Variants in GRM1 observed in about 807,000 individuals in gnomAD.
GRM1 encodes the protein metabotropic glutamate receptor 1.
In GRM1, 33 loss-of-function variants were observed where a neutral mutation model predicts 90.9. The ratio of observed to expected loss-of-function variants is 0.36; its 90% CI spans 0.28 to 0.49. GRM1 has a LOEUF of 0.49. Among genes scored for constraint, GRM1 ranks in the 20% least tolerant of loss-of-function variants. GRM1 has a pLI of 0.99. For synonymous variants in GRM1, 700 were observed against 613.2 expected (o/e 1.14, Z -2.09); for missense variants, 1,190 against 1,534.3 (o/e 0.78, Z 3.75).
chr6:146,255,450 C>A (rs1412985832), intron 2 of GRM1, among the ~76,000 whole-genome samples: 1 of 152,078 alleles, frequency 6.6e-6, no homozygotes, highest in Non-Finnish European at 1.5e-5. Context: ...CTGTGGCAAT[C>A]TCTCTCTTCA....
intron 2 of GRM1, among the ~76,000 whole-genome samples, chr6:146,279,912 T>C (rs935283093): frequency 6.6e-6 from 1 of 152,178 alleles, no homozygotes; most frequent in African/African-American, 2.4e-5. Context: ...GTAATTTATC[T>C]GGCTGCCTTT....
At chr6:146,185,529 T>C (rs1457490690) in intron 2 of GRM1, among the ~76,000 whole-genome samples, 1 of 152,198 alleles carries the variant, frequency 6.6e-6, no homozygotes, top group Non-Finnish European at 1.5e-5. Flanking sequence ...TATTGGAAAA[T>C]ATGCCTTCTT....
intron 7 of GRM1, among the ~76,000 whole-genome samples, chr6:146,431,717 G>A (rs1778414863): frequency 6.6e-6 from 1 of 152,050 alleles, no homozygotes; most frequent in African/African-American, 2.4e-5. Flanking sequence ...GTGGGAAGAT[G>A]GGGAAGGAAA....
At chr6:146,096,280 A>T (rs1776871263) in intron 1 of GRM1, among the ~76,000 whole-genome samples, 1 of 152,128 alleles carries the variant, frequency 6.6e-6, no homozygotes, top group South Asian at 2.1e-4. Context: ...ATTCTTCTTA[A>T]ACTGTTATTT....
At chr6:146,200,329 CATT>C (rs1411631465) in intron 2 of GRM1, among the ~76,000 whole-genome samples, 2 of 152,170 alleles carry the variant, frequency 1.3e-5, no homozygotes, top group Non-Finnish European at 2.9e-5. Context: ...TTCAGTTTCT[CATT>C]ATCCTTCTGC....
intron 2 of GRM1, among the ~76,000 whole-genome samples, chr6:146,181,559 C>T (rs1778555210): frequency 6.6e-6 from 1 of 152,180 alleles, no homozygotes; most frequent in African/African-American, 2.4e-5. Flanking sequence ...AGCACTTGAT[C>T]TATAATTGTC....
At chr6:146,079,228 G>A (rs1240577492) in intron 1 of GRM1, among the ~76,000 whole-genome samples, 1 of 152,156 alleles carries the variant, frequency 6.6e-6, no homozygotes, top group Non-Finnish European at 1.5e-5. Flanking sequence ...TGCAATGCCC[G>A]TGGGCTGGAC....
At chr6:146,115,324 A>G (rs551801613) in intron 1 of GRM1, among the ~76,000 whole-genome samples, 3 of 152,198 alleles carry the variant, frequency 2.0e-5, no homozygotes, top group African/African-American at 7.2e-5. Flanking sequence ...TATATAAAAT[A>G]TTATATATGT....
Position 146,434,899 on chromosome 6 carries a change from G to A in GRM1, c.*103G>A, listed in dbSNP as rs1374865690. On this transcript the variant is annotated 3_prime_UTR_variant, in exon 8 of 8. Coordinates refer to ENST00000282753, the MANE Select transcript of GRM1 (RefSeq NM_001278064.2). ...GAAAAGCCTGGGAGTGGGGGGCCTC[G>A]TCGGGAGGACAGGAGACCGCTGCTG... 2.0e-6 allele frequency: 2 copies of A among 1,011,564 alleles called. No homozygotes were observed. Among genetic ancestry groups the A allele is most frequent in the South Asian group, 2.6e-5 (2 of 76,354 alleles). The allele number at this position is 1,011,564 out of a possible 1,614,324, so 62.7% of individuals were successfully genotyped here.
At chr6:146,203,179 G>GCA (rs1214835277) in intron 2 of GRM1, among the ~76,000 whole-genome samples, 1 of 150,596 alleles carries the variant, frequency 6.6e-6, no homozygotes, top group Non-Finnish European at 1.5e-5. Flanking sequence ...GGGGGACAGA[G>GCA]AGACTCCGTC....
chr6:146,279,579 TAA>T (rs1167724486), intron 2 of GRM1, among the ~76,000 whole-genome samples: 8 of 152,180 alleles, frequency 5.3e-5, no homozygotes, highest in East Asian at 1.9e-4. Context: ...GAATTATTTA[TAA>T]GTGTGTTGCT....
At chr6:146,065,094 C>A (rs930204427) in intron 1 of GRM1, among the ~76,000 whole-genome samples, 6 of 152,164 alleles carry the variant, frequency 3.9e-5, no homozygotes, top group Non-Finnish European at 8.8e-5. Flanking sequence ...CCTGTGTCAT[C>A]TTTCAGTTAT....
intron 7 of GRM1, among the ~76,000 whole-genome samples, chr6:146,406,170 G>C (rs761804881): frequency 3.3e-5 from 5 of 152,124 alleles, no homozygotes; most frequent in Non-Finnish European, 1.5e-5. Flanking sequence ...GGTGTGTGCC[G>C]GGAGGCCTGG....
intron 2 of GRM1, among the ~76,000 whole-genome samples, chr6:146,238,919 A>C (rs1184637336): frequency 6.6e-6 from 1 of 152,152 alleles, no homozygotes; most frequent in African/African-American, 2.4e-5. Flanking sequence ...ATGCCCAATA[A>C]GTGCACATTG....
At chr6:146,347,314 A>G (rs2115030137) in intron 3 of GRM1, among the ~76,000 whole-genome samples, 1 of 152,292 alleles carries the variant, frequency 6.6e-6, no homozygotes, top group African/African-American at 2.4e-5. Context: ...TGAATTCCTC[A>G]TCTGTCCTTG....
intron 1 of GRM1, among the ~76,000 whole-genome samples, chr6:146,140,090 A>ACTCTTTCTTTCT (rs1486556879): frequency 1.7e-5 from 1 of 57,838 alleles, no homozygotes; most frequent in East Asian, 5.5e-4. Context: ...TTCTTTCTTT[A>ACTCTTTCTTTCT]TTCTTTCTTT....
chr6:146,382,706 T>C (rs1776360084), intron 5 of GRM1, among the ~76,000 whole-genome samples: 1 of 152,150 alleles, frequency 6.6e-6, no homozygotes, highest in South Asian at 2.1e-4. Context: ...GAAGAAGTTA[T>C]ATTTCAAAGG....
At chr6:146,405,977 A>C (rs1217616973) in intron 7 of GRM1, among the ~76,000 whole-genome samples, 1 of 152,216 alleles carries the variant, frequency 6.6e-6, no homozygotes, top group Admixed American at 6.5e-5. Context: ...TCTGGGTAGA[A>C]GTTATACTGC....
At chr6:146,277,010 A>G (rs1377715553) in intron 2 of GRM1, among the ~76,000 whole-genome samples, 1 of 152,150 alleles carries the variant, frequency 6.6e-6, no homozygotes, top group Non-Finnish European at 1.5e-5. Context: ...CAGGAGGCTG[A>G]GGTGGGAGAA....
Sources: gnomAD v4.1 joint callset for allele counts (sites outside exome capture counted in the v4.1 genomes callset) on GRCh38, gnomAD v4.1.1 for gene constraint, MANE v1.5 for transcripts, NCBI Gene and HGNC (gene_info 2026-07-23, HGNC 2026-07-21) for gene names.